KLF12: variants seen among roughly 807,000 people sequenced by gnomAD.
KLF12 encodes the protein KLF transcription factor 12.
A neutral mutation model predicts 37.8 loss-of-function variants in KLF12; 9 were observed. The observed-to-expected ratio is 0.24, with a 90% CI of 0.14 to 0.42. KLF12 has a LOEUF of 0.42. Ranked by LOEUF, KLF12 falls within the 10% of genes least tolerant of loss-of-function variation. The pLI, the probability that KLF12 is intolerant of heterozygous loss-of-function variation, is 1.00. For synonymous variants in KLF12, 208 were observed against 202.1 expected, an observed-to-expected ratio of 1.03 and a Z score of -0.25; for missense variants, 411 against 516.0, an observed-to-expected ratio of 0.80 and a Z score of 1.97.
intron 1 of KLF12, among the ~76,000 whole-genome samples, chr13:74,015,957 T>C (rs902912359): frequency 6.6e-6 from 1 of 152,140 alleles, no homozygotes; most frequent in South Asian, 2.1e-4. Flanking sequence ...ATTAGAGATA[T>C]GGACATAAAA....
intron 1 of KLF12, among the ~76,000 whole-genome samples, chr13:74,124,809 AAT>A (rs923701386): frequency 2.6e-5 from 4 of 152,208 alleles, no homozygotes; most frequent in African/African-American, 4.8e-5. Flanking sequence ...CAGCTGCCAA[AAT>A]ATGTTTTTAA....
At chr13:74,143,243 A>C in the KLF12 span, among the ~76,000 whole-genome samples, 9 of 152,066 alleles carry the variant, frequency 5.9e-5, no homozygotes, top group African/African-American at 2.2e-4. Flanking sequence ...CAAATTGTGG[A>C]TAATTTATCC....
chr13:73,836,729 A>C (rs2138620745), intron 4 of KLF12, among the ~76,000 whole-genome samples: 1 of 152,302 alleles, frequency 6.6e-6, no homozygotes, highest in East Asian at 1.9e-4. Context: ...GAAATAAAAG[A>C]TATTACACAT....
intron 5 of KLF12, among the ~76,000 whole-genome samples, chr13:73,784,930 C>T (rs1881239421): frequency 6.6e-6 from 1 of 151,900 alleles, no homozygotes. Context: ...GCCACTGCGC[C>T]CGGCCTCATC....
At chr13:73,982,141 A>AT (rs1891703973) in intron 2 of KLF12, among the ~76,000 whole-genome samples, 1 of 152,216 alleles carries the variant, frequency 6.6e-6, no homozygotes. Flanking sequence ...TCAAAGTCTG[A>AT]TTTTGAAAAA....
At chr13:74,260,151 T>C in the KLF12 span, among the ~76,000 whole-genome samples, 1 of 152,046 alleles carries the variant, frequency 6.6e-6, no homozygotes, top group South Asian at 2.1e-4. Flanking sequence ...CACACACACA[T>C]GCACACACGG....
chr13:74,091,751 T>C (rs1207439911), intron 1 of KLF12, among the ~76,000 whole-genome samples: 1 of 152,094 alleles, frequency 6.6e-6, no homozygotes, highest in African/African-American at 2.4e-5. Context: ...TATGTATCAT[T>C]GTGAATTTGT....
chr13:73,851,985 A>G (rs1885356507), intron 3 of KLF12, among the ~76,000 whole-genome samples: 1 of 152,154 alleles, frequency 6.6e-6, no homozygotes. Context: ...GTAGTAAATG[A>G]AATGGTTTTA....
At chr13:74,108,660 T>C (rs773456472) in intron 1 of KLF12, among the ~76,000 whole-genome samples, 1 of 152,212 alleles carries the variant, frequency 6.6e-6, no homozygotes, top group Non-Finnish European at 1.5e-5. Context: ...CTGCTATATG[T>C]ATGTTACGTG....
At chr13:74,062,546 A>G (rs1873660769) in intron 1 of KLF12, among the ~76,000 whole-genome samples, 1 of 152,212 alleles carries the variant, frequency 6.6e-6, no homozygotes, top group African/African-American at 2.4e-5. Flanking sequence ...CAATTTTTTT[A>G]AACAAGTGAT....
At chr13:74,116,117 G>T (rs1355953134) in intron 1 of KLF12, among the ~76,000 whole-genome samples, 1 of 152,158 alleles carries the variant, frequency 6.6e-6, no homozygotes, top group Non-Finnish European at 1.5e-5. Context: ...GTGGAAACAG[G>T]AAAACTTAAT....
chr13:73,811,292 A>G, intron 5 of KLF12, among the ~76,000 whole-genome samples: 1 of 151,964 alleles, frequency 6.6e-6, no homozygotes, highest in Non-Finnish European at 1.5e-5. Context: ...TAAGTGCTCA[A>G]GCAGGATAAT....
chr13:73,844,069 G>T (rs933523998), intron 4 of KLF12, among the ~76,000 whole-genome samples: 1 of 151,994 alleles, frequency 6.6e-6, no homozygotes, highest in Non-Finnish European at 1.5e-5. Flanking sequence ...AAAATGGTAT[G>T]AAAGATCATG....
chr13:73,882,187 G>C (rs1887013772), intron 3 of KLF12, among the ~76,000 whole-genome samples: 1 of 152,108 alleles, frequency 6.6e-6, no homozygotes, highest in African/African-American at 2.4e-5. Flanking sequence ...TACATCCATG[G>C]CTGGCACTTG....
intron 5 of KLF12, among the ~76,000 whole-genome samples, chr13:73,796,933 A>C (rs940895405): frequency 1.3e-5 from 2 of 152,226 alleles, no homozygotes; most frequent in African/African-American, 4.8e-5. Flanking sequence ...GGCTGAAAAA[A>C]AAGAACACGA....
chr13:74,260,355 A>C, the KLF12 span, among the ~76,000 whole-genome samples: 1 of 152,004 alleles, frequency 6.6e-6, no homozygotes, highest in African/African-American at 2.4e-5. Flanking sequence ...CAGGAGTTAG[A>C]GACCAGCCTG....
chr13:74,298,835 T>A, the KLF12 span, among the ~76,000 whole-genome samples: 1 of 152,226 alleles, frequency 6.6e-6, no homozygotes, highest in Non-Finnish European at 1.5e-5. Flanking sequence ...GAAGTTGGCT[T>A]GTTTTGAAGC....
chr13:74,017,440 G>T (rs1892721623), intron 1 of KLF12, among the ~76,000 whole-genome samples: 1 of 150,660 alleles, frequency 6.6e-6, no homozygotes, highest in Admixed American at 6.6e-5. Flanking sequence ...TCTCTTCATT[G>T]GGAAATTCTA....
At position 73,813,243 on chromosome 13, in the gene KLF12, C is replaced by A; in HGVS notation, c.715G>T (p.Asp239Tyr). Residue 239 changes from aspartate to tyrosine, a missense_variant, in exon 5 of 8, where the codon GAC (aspartate) becomes TAC (tyrosine). This residue lies in a region of KLF12 where 351 missense variants were observed against 397.8 expected (regional missense o/e 0.88). Transcript: ENST00000377669. ...TTTGGCAGGTCATCATCATCACTGT[C>A]ACTTTTACTTTGTCTGGGAGATAGG... 1.2e-6 allele frequency: 2 copies of A among 1,614,048 alleles called. No individual in the cohort carries two copies. The highest frequency in any genetic ancestry group is 2.2e-5 in the East Asian group (1 of 44,870).
Sources: allele counts gnomAD v4.1 joint callset (sites outside exome capture counted in the v4.1 genomes callset), GRCh38; gene constraint gnomAD v4.1.1; regional missense constraint gnomAD v4.1.1; transcripts MANE v1.5; gene names NCBI Gene and HGNC (gene_info 2026-07-23, HGNC 2026-07-21).